S100PBP: variants seen among roughly 807,000 people sequenced by gnomAD.
S100PBP encodes S100P binding protein.
S100PBP carries 15 observed loss-of-function variants against 39.9 expected under a neutral mutation model. The observed-to-expected ratio is 0.38, with a 90% CI of 0.25 to 0.58. S100PBP has a LOEUF of 0.58. Ranked by LOEUF, S100PBP falls within the 20% of genes least tolerant of loss-of-function variation. The probability of loss-of-function intolerance (pLI) is 0.70; values close to 1 mark genes in which losing one functional copy is unlikely to be tolerated. For synonymous variants in S100PBP, 178 were observed against 180.3 expected (o/e 0.99, Z 0.10); for missense variants, 504 against 487.3 (o/e 1.03, Z -0.32).
chr1:32,846,517 T>C (rs1640386038), intron 5 of S100PBP, among the ~76,000 whole-genome samples: 1 of 152,060 alleles, frequency 6.6e-6, no homozygotes, highest in Non-Finnish European at 1.5e-5. Flanking sequence ...CCCTGACTCA[T>C]TTAATTTTTG....
chr1:32,849,752 C>T (rs189534535), intron 5 of S100PBP, among the ~76,000 whole-genome samples: 1 of 152,258 alleles, frequency 6.6e-6, no homozygotes, highest in East Asian at 1.9e-4. Context: ...AAATGTTGCT[C>T]CCAGAAAATT....
upstream of S100PBP, chr1:32,817,121 G>C: frequency 1.3e-6 from 2 of 1,598,064 alleles, no homozygotes; most frequent in Non-Finnish European, 8.6e-7. Context: ...CCCCGTAATG[G>C]GGCTCAAAAT....
At chr1:32,824,846 A>ATATATATATATAT (rs1557482764) in intron 1 of S100PBP, 2 of 145,988 alleles carry the variant, frequency 1.4e-5, no homozygotes, top group African/African-American at 5.1e-5. Flanking sequence ...ATATATATAT[A>ATATATATATATAT]AAGATTTGTG....
Position 32,826,411 on chromosome 1 carries a change from G to A in S100PBP, c.312G>A (p.Leu104=), listed in dbSNP as rs912333088. Residue 104 remains leucine, a synonymous_variant, in exon 3 of 7, where the codon CTG becomes CTA. Coordinates refer to ENST00000373475, the MANE Select transcript of S100PBP (RefSeq NM_022753.4). The part of the protein sequence containing the change: ...TPREKNSSYS[L]GPVAETPDLF... ...GAGAGAAAAATTCATCGTACAGCCT[G>A]GGACCAGTAGCTGAGACTCCTGACC... The A allele has an allele frequency of 6.2e-7, 1 of 1,614,084 alleles. No individual in the cohort carries two copies. The highest frequency in any genetic ancestry group is 8.5e-7 in the Non-Finnish European group (1 of 1,180,018).
At chr1:32,837,044 C>T (rs1639852661) in intron 5 of S100PBP, 1 of 149,880 alleles carries the variant, frequency 6.7e-6, no homozygotes, top group Admixed American at 6.7e-5. Flanking sequence ...CGAGACCAGT[C>T]TGGCCAATAT....
intron 5 of S100PBP, among the ~76,000 whole-genome samples, chr1:32,840,828 A>G (rs1557502799): frequency 6.6e-6 from 1 of 152,064 alleles, no homozygotes; most frequent in Non-Finnish European, 1.5e-5. Context: ...CCACCTGTAT[A>G]TCTTCTTTGG....
At chr1:32,837,733 G>T (rs2148665065) in intron 5 of S100PBP, among the ~76,000 whole-genome samples, 1 of 151,940 alleles carries the variant, frequency 6.6e-6, no homozygotes, top group East Asian at 2.0e-4. Flanking sequence ...AGTTTTATGT[G>T]ATGGAATCAT....
upstream of S100PBP, chr1:32,817,318 G>A: frequency 1.3e-6 from 2 of 1,584,588 alleles, no homozygotes; most frequent in Non-Finnish European, 1.7e-6. Flanking sequence ...GCCGCCGCGT[G>A]CCGGGAACTG....
chr1:32,849,903 G>A (rs574364191), intron 5 of S100PBP, among the ~76,000 whole-genome samples: 50 of 152,256 alleles, frequency 3.3e-4, no homozygotes, highest in Non-Finnish European at 4.4e-4. Context: ...TCTGTAAAGC[G>A]GGGAAAATAC....
At chr1:32,835,982 G>C (rs978322014) in intron 5 of S100PBP, 1 of 152,080 alleles carries the variant, frequency 6.6e-6, no homozygotes, top group Admixed American at 6.6e-5. Context: ...ATATGCAGAA[G>C]TGGGATTGCT....
chr1:32,833,296 A>G (rs1164726818), intron 5 of S100PBP, among the ~76,000 whole-genome samples: 1 of 152,072 alleles, frequency 6.6e-6, no homozygotes, highest in African/African-American at 2.4e-5. Flanking sequence ...TATAACTTCT[A>G]GTGGTAGTTC....
At chr1:32,851,277 G>C (rs1460011176) in intron 5 of S100PBP, among the ~76,000 whole-genome samples, 1 of 152,128 alleles carries the variant, frequency 6.6e-6, no homozygotes, top group Admixed American at 6.5e-5. Flanking sequence ...AGCCTACTGA[G>C]ACTGCTTTTG....
At chr1:32,817,004 G>A (rs944421545), upstream of S100PBP, 4 of 734,392 alleles carry the variant, frequency 5.4e-6, no homozygotes, top group East Asian at 2.7e-5. Flanking sequence ...GTGATTTCTG[G>A]GGAACCCAGG....
intron 5 of S100PBP, among the ~76,000 whole-genome samples, chr1:32,830,337 G>A (rs898643952): frequency 2.7e-5 from 4 of 149,368 alleles, no homozygotes; most frequent in Admixed American, 6.7e-5. Context: ...AACCCAGACC[G>A]GTACATTTTT....
chr1:32,819,964 G>C (rs752910824), intron 1 of S100PBP, among the ~76,000 whole-genome samples: 6 of 152,060 alleles, frequency 3.9e-5, no homozygotes, highest in Non-Finnish European at 8.8e-5. Flanking sequence ...ATAGTTCAGT[G>C]AACATTAATT....
chr1:32,816,803 C>T (rs540297884), upstream of S100PBP: 1 of 323,402 alleles, frequency 3.1e-6, no homozygotes, highest in East Asian at 6.2e-5. Context: ...ATAGCATCTT[C>T]CAGTACTTAC....
At chr1:32,838,319 G>A (rs1008716959) in intron 5 of S100PBP, among the ~76,000 whole-genome samples, 2 of 142,420 alleles carry the variant, frequency 1.4e-5, no homozygotes, top group African/African-American at 5.2e-5. Flanking sequence ...GGGCGAAAGA[G>A]CGAGACTCTG....
At chr1:32,828,161 AGTGCAGGG>A in intron 4 of S100PBP, 80 bp downstream of exon 4, 4 of 919,106 alleles carry the variant, frequency 4.4e-6, no homozygotes, top group Admixed American at 2.3e-5. Context: ...GTTTCCTCTT[AGTGCAGGG>A]AAAAAAATCC....
intron 5 of S100PBP, among the ~76,000 whole-genome samples, chr1:32,839,960 C>T (rs746527550): frequency 3.3e-5 from 5 of 152,010 alleles, no homozygotes; most frequent in Non-Finnish European, 2.9e-5. Context: ...ACTACAGGCT[C>T]ACCACCACAC....
Sources: gnomAD v4.1 joint callset for allele counts (sites outside exome capture counted in the v4.1 genomes callset) on GRCh38, gnomAD v4.1.1 for gene constraint, MANE v1.5 for transcripts, NCBI Gene and HGNC (gene_info 2026-07-23, HGNC 2026-07-21) for gene names.